Variants in EYA2 observed in about 807,000 individuals in gnomAD.
EYA2 encodes protein phosphatase EYA2.
In EYA2, 31 loss-of-function variants were observed where a neutral mutation model predicts 69.2. The observed-to-expected ratio is 0.45, with a 90% confidence interval of 0.34 to 0.60. The LOEUF is 0.60. Ranked by LOEUF, EYA2 falls within the 20% of genes least tolerant of loss-of-function variation. The probability of loss-of-function intolerance (pLI) is 0.02; values close to 1 mark genes in which losing one functional copy is unlikely to be tolerated. For missense variants in EYA2, 622 were observed against 701.2 expected (o/e 0.89, Z 1.28); for synonymous variants, 257 against 279.4 (o/e 0.92, Z 0.80).
intron 2 of EYA2, among the ~76,000 whole-genome samples, chr20:46,990,495 T>TG (rs533027955): frequency 1.3e-4 from 20 of 152,332 alleles, no homozygotes; most frequent in Admixed American, 8.5e-4. Context: ...GCCATCCCCT[T>TG]GTCCAAGCAG....
chr20:47,156,428 G>A (rs2033954998), intron 10 of EYA2, among the ~76,000 whole-genome samples: 1 of 151,576 alleles, frequency 6.6e-6, no homozygotes, highest in Non-Finnish European at 1.5e-5. Flanking sequence ...CGCAGGAATG[G>A]CCAGGCATTC....
intron 5 of EYA2, among the ~76,000 whole-genome samples, chr20:47,070,082 A>C (rs1431314538): frequency 6.6e-6 from 1 of 152,226 alleles, no homozygotes; most frequent in Non-Finnish European, 1.5e-5. Context: ...AAAAGACACC[A>C]TTAAGAAAAA....
intron 15 of EYA2, 36 bp downstream of exon 15, chr20:47,183,427 T>C (rs2034576683): frequency 6.3e-7 from 1 of 1,597,368 alleles, no homozygotes; most frequent in African/African-American, 1.3e-5. Flanking sequence ...GTTTTCCTGC[T>C]CTTTCGAGCA....
intron 5 of EYA2, among the ~76,000 whole-genome samples, chr20:47,063,313 T>G (rs943474281): frequency 6.6e-6 from 1 of 152,118 alleles, no homozygotes; most frequent in Admixed American, 6.5e-5. Context: ...TACAAATCCC[T>G]CAGTATGTGG....
At chr20:46,912,478 G>A (rs932884520) in intron 1 of EYA2, among the ~76,000 whole-genome samples, 1 of 152,144 alleles carries the variant, frequency 6.6e-6, no homozygotes, top group African/African-American at 2.4e-5. Context: ...CTTCTATGAG[G>A]CAGCCACTGT....
intron 1 of EYA2, among the ~76,000 whole-genome samples, chr20:46,982,541 GCT>G: frequency 6.6e-6 from 1 of 152,034 alleles, no homozygotes; most frequent in South Asian, 2.1e-4. Context: ...TTTCTGACTT[GCT>G]CTCTCTCTCC....
intron 9 of EYA2, among the ~76,000 whole-genome samples, chr20:47,116,281 G>A (rs1042787212): frequency 4.1e-5 from 6 of 145,666 alleles, no homozygotes; most frequent in African/African-American, 1.3e-4. Flanking sequence ...TAGTTCAAGC[G>A]ATTCTCCTGC....
intron 8 of EYA2, among the ~76,000 whole-genome samples, chr20:47,090,357 G>A (rs58459318): frequency 0.21 from 31,180 of 150,830 alleles, 3,309 homozygotes; most frequent in East Asian, 0.36. Context: ...CTCTTGCCTC[G>A]GCCTCCTGAA....
intron 1 of EYA2, among the ~76,000 whole-genome samples, chr20:46,900,382 C>T (rs1169690101): frequency 2.0e-5 from 3 of 152,108 alleles, no homozygotes; most frequent in South Asian, 2.1e-4. Context: ...CTGAAATACA[C>T]GTGTATTAGC....
At chr20:47,008,433 A>G (rs1175068088) in intron 4 of EYA2, among the ~76,000 whole-genome samples, 1 of 152,212 alleles carries the variant, frequency 6.6e-6, no homozygotes, top group Non-Finnish European at 1.5e-5. Context: ...TACCTATGAC[A>G]GACCTTGGCC....
intron 1 of EYA2, among the ~76,000 whole-genome samples, chr20:46,947,292 T>C (rs949104166): frequency 6.6e-6 from 1 of 152,174 alleles, no homozygotes; most frequent in African/African-American, 2.4e-5. Flanking sequence ...ATCTAAGTTT[T>C]TTTTTTTTTC....
chr20:47,166,312 A>G (rs1460967953), intron 10 of EYA2, among the ~76,000 whole-genome samples: 1 of 144,612 alleles, frequency 6.9e-6, no homozygotes, highest in African/African-American at 2.6e-5. Context: ...AGGCTTGAGA[A>G]TCACCTAAAC....
chr20:47,134,064 C>T (rs953418919), intron 9 of EYA2, among the ~76,000 whole-genome samples: 1 of 152,222 alleles, frequency 6.6e-6, no homozygotes, highest in Non-Finnish European at 1.5e-5. Flanking sequence ...TTTGAGCAAC[C>T]CAGGCCTGCT....
At chr20:47,137,202 T>C (rs2033496987) in intron 9 of EYA2, among the ~76,000 whole-genome samples, 2 of 152,200 alleles carry the variant, frequency 1.3e-5, no homozygotes, top group Admixed American at 1.3e-4. Flanking sequence ...TTGTTTTTTG[T>C]TTTTTAATCC....
At chr20:47,161,050 C>T in intron 10 of EYA2, 2 of 291,734 alleles carry the variant, frequency 6.9e-6, no homozygotes, top group East Asian at 9.5e-5. Flanking sequence ...GGTGGCAGTG[C>T]AGCTGCGGCG....
At chr20:47,001,566 T>G (rs1982375466) in intron 3 of EYA2, 93 bp downstream of exon 3, 1 of 1,326,732 alleles carries the variant, frequency 7.5e-7, no homozygotes, top group Non-Finnish European at 1.1e-6. Flanking sequence ...GGAGCCAGAT[T>G]CCCTGGATAG....
intron 3 of EYA2, among the ~76,000 whole-genome samples, 193 bp downstream of exon 3, chr20:47,001,666 G>A (rs1266967547): frequency 6.6e-6 from 1 of 152,076 alleles, no homozygotes; most frequent in Non-Finnish European, 1.5e-5. Flanking sequence ...GGGAGCGGGG[G>A]ACAGTCATGC....
intron 1 of EYA2, chr20:46,979,830 C>G (rs1037802643): frequency 6.6e-6 from 1 of 152,220 alleles, no homozygotes; most frequent in Non-Finnish European, 1.5e-5. Flanking sequence ...CAAATAATCT[C>G]AGCTGCCCTT....
At chr20:47,105,329 C>T (rs2032541835) in intron 9 of EYA2, among the ~76,000 whole-genome samples, 1 of 152,156 alleles carries the variant, frequency 6.6e-6, no homozygotes, top group Non-Finnish European at 1.5e-5. Flanking sequence ...CCTTTATTCA[C>T]GAATCTGCCC....
Sources: gnomAD v4.1 joint callset for allele counts (sites outside exome capture counted in the v4.1 genomes callset) on GRCh38, gnomAD v4.1.1 for gene constraint, MANE v1.5 for transcripts, NCBI Gene and HGNC (gene_info 2026-07-23, HGNC 2026-07-21) for gene names.